The following GATB variants were observed in gnomAD, a reference collection of about 807,000 sequenced individuals.
The protein encoded by GATB is glutamyl-tRNA amidotransferase subunit B.
In GATB, 39 loss-of-function variants were observed where a neutral mutation model predicts 62.3. The observed-to-expected ratio is 0.63, with a 90% CI of 0.48 to 0.82. The LOEUF is 0.82. GATB is among the 40% of genes least tolerant of loss of function. The probability of loss-of-function intolerance (pLI) is 0.00; values close to 1 mark genes in which losing one functional copy is unlikely to be tolerated. For missense variants in GATB, 670 were observed against 684.0 expected (o/e 0.98, Z 0.23); for synonymous variants, 276 against 258.9 (o/e 1.07, Z -0.63).
chr4:151,718,007 A>G (rs970913632), intron 3 of GATB, among the ~76,000 whole-genome samples: 1 of 152,166 alleles, frequency 6.6e-6, no homozygotes, highest in Non-Finnish European at 1.5e-5. Flanking sequence ...AGGCTCCAAA[A>G]TCCGTGTCTT....
rs1739360242 is a variant in GATB, at chr4:151,735,749, T to TATATATATATATATATAC, written c.328-16212_328-16211insGTATATATATATATATAT. On this transcript the variant is annotated intron_variant, in intron 2 of 12. Transcript: ENST00000263985. ...ATAAACTGTGGTGTATATATATATA[T>TATATATATATATATATAC]ATATATATGATGGAATACTACTCAG... Among the ~76,000 whole-genome samples, 2 of 139,182 alleles carry TATATATATATATATATAC rather than the reference T, an allele frequency of 1.4e-5. 1 individual carries two copies. The highest frequency in any genetic ancestry group is 3.1e-5 in the Non-Finnish European group (2 of 65,406). 91.3% of individuals were successfully genotyped at this position (139,182 alleles called of 152,430 possible). A position where few individuals can be genotyped will look rare whatever the true frequency, so the allele number is the denominator to read the frequency against.
chr4:151,710,394 A>G (rs1226839569), intron 5 of GATB, among the ~76,000 whole-genome samples: 1 of 152,196 alleles, frequency 6.6e-6, no homozygotes, highest in Non-Finnish European at 1.5e-5. Flanking sequence ...TTCTCACTCT[A>G]TCAGTCACTC....
In GATB at chr4:151,760,791, G is replaced by C. The variant is rs1243720479; in HGVS notation, c.176+16C>G. On this transcript the variant is annotated intron_variant, in intron 1 of 12. Transcript: ENST00000263985. ...ACCTCACAGTTAGGTGGGCAGAAATGTATGAAACAGAATACCCTTTCCTCG... is the reference window on the plus strand; with the variant it reads ...ACCTCACAGTTAGGTGGGCAGAAATCTATGAAACAGAATACCCTTTCCTCG... 1 of 1,579,212 alleles carries C rather than the reference G, an allele frequency of 6.3e-7. No individual in the cohort carries two copies. Among genetic ancestry groups the C allele is most frequent in the East Asian group, 2.3e-5 (1 of 43,552 alleles).
At chr4:151,671,400 C>T (rs574434131) in intron 12 of GATB, 98 bp from the exon 13 acceptor site, 21 of 1,192,102 alleles carry the variant, frequency 1.8e-5, no homozygotes, top group South Asian at 1.2e-4. Context: ...AATTAAATTC[C>T]GCTTATTTCC....
intron 2 of GATB, chr4:151,721,065 C>G (rs569859846): frequency 1.3e-5 from 2 of 152,090 alleles, no homozygotes; most frequent in African/African-American, 4.8e-5. Flanking sequence ...AGTGAAACCC[C>G]GTCTCTACTA....
At chr4:151,679,511 G>A (rs1375780111) in intron 11 of GATB, among the ~76,000 whole-genome samples, 2 of 152,156 alleles carry the variant, frequency 1.3e-5, no homozygotes, top group East Asian at 1.9e-4. Context: ...TGGGCACGAG[G>A]GAAAGTTCTC....
chr4:151,707,120 G>A (rs1241445111), intron 6 of GATB, among the ~76,000 whole-genome samples: 1 of 152,156 alleles, frequency 6.6e-6, no homozygotes, highest in East Asian at 1.9e-4. Flanking sequence ...AAAACATAAT[G>A]ACCATTTAGG....
intron 2 of GATB, among the ~76,000 whole-genome samples, chr4:151,726,626 G>A (rs1172437089): frequency 6.6e-6 from 1 of 152,142 alleles, no homozygotes; most frequent in African/African-American, 2.4e-5. Flanking sequence ...AATAGCCATC[G>A]CACAGGAAGC....
intron 2 of GATB, chr4:151,721,131 G>C (rs1441666251): frequency 1.3e-5 from 2 of 152,344 alleles, no homozygotes; most frequent in Non-Finnish European, 2.9e-5. Context: ...CCAGTTACTT[G>C]GGAGGCTGAG....
At chr4:151,715,178 T>C (rs1421284626) in intron 5 of GATB, among the ~76,000 whole-genome samples, 1 of 152,220 alleles carries the variant, frequency 6.6e-6, no homozygotes, top group Non-Finnish European at 1.5e-5. Context: ...GCTGTGACCA[T>C]TGTACAGTGC....
chr4:151,715,904 GCAAACAA>G, intron 5 of GATB, 98 bp downstream of exon 5: 1 of 1,284,698 alleles, frequency 7.8e-7, no homozygotes, highest in Admixed American at 3.0e-5. Context: ...AAAAATGGCT[GCAAACAA>G]CCTCAATATA....
At chr4:151,720,725 A>G (rs796719605) in intron 2 of GATB, 1 of 152,176 alleles carries the variant, frequency 6.6e-6, no homozygotes, top group South Asian at 2.1e-4. Flanking sequence ...AAAGAGTCTA[A>G]AACATTTGCC....
At chr4:151,697,965 A>ATGTGTGTG (rs1482204192) in intron 9 of GATB, among the ~76,000 whole-genome samples, 3 of 109,014 alleles carry the variant, frequency 2.8e-5, no homozygotes, top group African/African-American at 5.0e-5. Context: ...ATATATATAT[A>ATGTGTGTG]TATATATATA....
chr4:151,740,853 C>A (rs1481163291), intron 2 of GATB, among the ~76,000 whole-genome samples: 3 of 152,092 alleles, frequency 2.0e-5, no homozygotes, highest in Non-Finnish European at 4.4e-5. Context: ...ATCACCAGAA[C>A]AAAGCCTGTA....
At chr4:151,703,556 A>G in intron 8 of GATB, 1 of 465,646 alleles carries the variant, frequency 2.1e-6, no homozygotes, top group Non-Finnish European at 3.9e-6. Context: ...CCCAACCTCT[A>G]CAGCCATCCT....
chr4:151,711,168 C>T (rs1738811364), intron 5 of GATB, among the ~76,000 whole-genome samples: 2 of 152,226 alleles, frequency 1.3e-5, no homozygotes, highest in African/African-American at 4.8e-5. Context: ...CTGTCCAAAA[C>T]AGCATCATCT....
chr4:151,677,786 AAAAT>A (rs1738039239), intron 11 of GATB: 2 of 152,374 alleles, frequency 1.3e-5, no homozygotes, highest in Admixed American at 6.5e-5. Flanking sequence ...AGATAAAATA[AAAAT>A]AAATAAATAA....
intron 2 of GATB, chr4:151,723,274 A>ATG (rs1739067006): frequency 2.0e-5 from 3 of 152,184 alleles, no homozygotes; most frequent in Non-Finnish European, 4.4e-5. Context: ...TTCCTAGGGT[A>ATG]AATACTATTA....
chr4:151,671,818 G>A (rs768457007), intron 12 of GATB, among the ~76,000 whole-genome samples: 7 of 152,172 alleles, frequency 4.6e-5, no homozygotes, highest in Non-Finnish European at 8.8e-5. Flanking sequence ...AGTGTGCTGT[G>A]TGGGCAGGGG....
Sources: gnomAD v4.1 joint callset for allele counts (sites outside exome capture counted in the v4.1 genomes callset) on GRCh38, gnomAD v4.1.1 for gene constraint, MANE v1.5 for transcripts, NCBI Gene and HGNC (gene_info 2026-07-23, HGNC 2026-07-21) for gene names.